Variants in DPP6 observed in about 807,000 individuals in gnomAD.
DPP6 encodes the protein A-type potassium channel modulatory protein DPP6.
DPP6 carries 69 observed loss-of-function variants against 122.6 expected under a neutral mutation model. That is an observed-to-expected ratio of 0.56 (90% CI 0.46 to 0.69). The LOEUF (loss-of-function observed/expected upper bound fraction) is 0.69, where lower values mean the gene tolerates loss of function less well. Ranked by LOEUF, DPP6 falls within the 30% of genes least tolerant of loss-of-function variation. The pLI is 0.00. For synonymous variants in DPP6, 418 were observed against 433.1 expected (o/e 0.97, Z 0.43); for missense variants, 928 against 1,116.9 (o/e 0.83, Z 2.41).
chr7:154,794,384 T>C (rs1797883352), intron 11 of DPP6, among the ~76,000 whole-genome samples, 182 bp downstream of exon 11: 1 of 152,178 alleles, frequency 6.6e-6, no homozygotes, highest in Non-Finnish European at 1.5e-5. Context: ...TCGTGGCTGG[T>C]GCAGGCGCTG....
intron 1 of DPP6, among the ~76,000 whole-genome samples, chr7:154,023,963 A>AT (rs961578093): frequency 2.3e-4 from 35 of 152,194 alleles, no homozygotes; most frequent in African/African-American, 7.7e-4. Context: ...CTGCAGCAAG[A>AT]TTAGGTTGAG....
rs1461640868 is a variant in DPP6, at chr7:154,879,447, G to A, written c.2079-1441G>A. Among the ~76,000 whole-genome samples, 16 of 135,720 alleles carry A rather than the reference G, an allele frequency of 1.2e-4. 1 individual carries two copies. Among genetic ancestry groups the A allele is most frequent in the South Asian group, 9.4e-4 (4 of 4,238 alleles). 89.0% of individuals were successfully genotyped at this position (135,720 alleles called of 152,430 possible). A position where few individuals can be genotyped will look rare whatever the true frequency, so the allele number is the denominator to read the frequency against. On this transcript the variant is annotated intron_variant, in intron 20 of 25. Coordinates refer to ENST00000377770, the MANE Select transcript of DPP6 (RefSeq NM_130797.4). ...AAAAAAAAAATACAAAAAATTAGCC[G>A]GGCGAGGTGGCGGGCACCTGTAGTC...
chr7:153,778,408 G>T, the DPP6 span, among the ~76,000 whole-genome samples: 2 of 152,046 alleles, frequency 1.3e-5, no homozygotes, highest in African/African-American at 4.8e-5. Context: ...ACATATTTTT[G>T]AGTTCTGTCC....
intron 3 of DPP6, among the ~76,000 whole-genome samples, chr7:154,514,088 A>G (rs139033058): frequency 6.6e-6 from 1 of 152,262 alleles, no homozygotes; most frequent in African/African-American, 2.4e-5. Context: ...AGCCTGATCA[A>G]CATGGTGAAA....
At chr7:153,934,968 C>T (rs1020051329) in intron 1 of DPP6, among the ~76,000 whole-genome samples, 3 of 152,182 alleles carry the variant, frequency 2.0e-5, no homozygotes, top group Non-Finnish European at 4.4e-5. Context: ...ACTGAGGTAG[C>T]GGAGGGTCCG....
At chr7:154,653,035 G>T (rs548072741) in intron 6 of DPP6, among the ~76,000 whole-genome samples, 2 of 152,252 alleles carry the variant, frequency 1.3e-5, no homozygotes, top group South Asian at 2.1e-4. Context: ...TCCCAGGCTG[G>T]GGTCTCATGG....
At chr7:153,990,029 C>A (rs1421192818) in intron 1 of DPP6, among the ~76,000 whole-genome samples, 60 of 132,330 alleles carry the variant, frequency 4.5e-4, no homozygotes, top group Middle Eastern at 3.6e-3. Context: ...GCCGGCCTTG[C>A]CTCTGCCAGC....
At chr7:154,198,422 G>A (rs548370164) in intron 1 of DPP6, among the ~76,000 whole-genome samples, 9 of 151,920 alleles carry the variant, frequency 5.9e-5, no homozygotes, top group Admixed American at 1.3e-4. Context: ...AGTGATTCTC[G>A]TGCCTCAGCC....
intron 8 of DPP6, among the ~76,000 whole-genome samples, chr7:154,739,290 T>C (rs1479482060): frequency 6.6e-6 from 1 of 152,142 alleles, no homozygotes; most frequent in African/African-American, 2.4e-5. Context: ...TTGCCAACAG[T>C]GGGCCTCAAG....
intron 16 of DPP6, among the ~76,000 whole-genome samples, chr7:154,845,488 C>A (rs995962020): frequency 1.3e-5 from 2 of 152,058 alleles, no homozygotes; most frequent in Non-Finnish European, 2.9e-5. Flanking sequence ...AGTTTGTAGT[C>A]AGGAAAACCT....
intron 1 of DPP6, among the ~76,000 whole-genome samples, chr7:153,935,323 C>G (rs534668490): frequency 6.6e-6 from 1 of 152,084 alleles, no homozygotes; most frequent in Non-Finnish European, 1.5e-5. Context: ...GTCACCACAC[C>G]GGGCTCCTCT....
chr7:154,794,012 G>A, intron 10 of DPP6, 67 bp from the exon 11 acceptor site: 2 of 1,562,718 alleles, frequency 1.3e-6, no homozygotes, highest in Non-Finnish European at 1.7e-6. Flanking sequence ...GCTGGGGTCG[G>A]CGGTCCCCTG....
chr7:154,529,968 A>C (rs1244232032), intron 3 of DPP6, among the ~76,000 whole-genome samples: 1 of 151,984 alleles, frequency 6.6e-6, no homozygotes, highest in Non-Finnish European at 1.5e-5. Flanking sequence ...TCTACTACAA[A>C]TATGAAAATT....
At chr7:154,661,764 G>T (rs1306203914) in intron 6 of DPP6, among the ~76,000 whole-genome samples, 1 of 142,604 alleles carries the variant, frequency 7.0e-6, no homozygotes, top group African/African-American at 2.7e-5. Context: ...TGGCGTGTTG[G>T]CCCTAGTGTT....
chr7:154,103,034 T>C (rs1481745570), intron 1 of DPP6, among the ~76,000 whole-genome samples: 1 of 152,052 alleles, frequency 6.6e-6, no homozygotes, highest in Non-Finnish European at 1.5e-5. Context: ...CTGGTTAGCC[T>C]TGTGGAGCCT....
chr7:153,916,150 T>A (rs1800303402), intron 1 of DPP6, among the ~76,000 whole-genome samples: 1 of 151,204 alleles, frequency 6.6e-6, no homozygotes, highest in Non-Finnish European at 1.5e-5. Context: ...TTTTTTTGTA[T>A]TTTTAGTAGA....
intron 1 of DPP6, among the ~76,000 whole-genome samples, chr7:154,083,418 T>C (rs7357247): frequency 6.6e-6 from 1 of 151,028 alleles, no homozygotes; most frequent in Non-Finnish European, 1.5e-5. Context: ...GAGGCCTATA[T>C]ACATGGAAGT....
chr7:154,761,496 C>T lies in DPP6; in HGVS notation c.884-7921C>T, dbSNP rs139384340. Reference sequence around the variant, plus strand: ...TCTTGCATTGCGATAAAGAAATCCCCGAGACTGGGTAATTTAGAAAGAAAA... The same window carrying T: ...TCTTGCATTGCGATAAAGAAATCCCTGAGACTGGGTAATTTAGAAAGAAAA... On this transcript the variant is annotated intron_variant, in intron 8 of 25. Coordinates refer to ENST00000377770, the MANE Select transcript of DPP6 (RefSeq NM_130797.4). 5.0e-3 allele frequency among the ~76,000 whole-genome samples: 687 copies of T among 136,596 alleles called. 3 individuals carry two copies. Among genetic ancestry groups the T allele is most frequent in the African/African-American group, 0.012 (505 of 40,826 alleles). 89.6% of individuals were successfully genotyped at this position (136,596 alleles called of 152,430 possible).
At chr7:153,982,088 C>T (rs2129038234) in intron 1 of DPP6, among the ~76,000 whole-genome samples, 1 of 152,216 alleles carries the variant, frequency 6.6e-6, no homozygotes, top group African/African-American at 2.4e-5. Flanking sequence ...GAATGTTGGC[C>T]TGCCTTGCTA....
Sources: gnomAD v4.1 joint callset for allele counts (sites outside exome capture counted in the v4.1 genomes callset) on GRCh38, gnomAD v4.1.1 for gene constraint, MANE v1.5 for transcripts, NCBI Gene and HGNC (gene_info 2026-07-23, HGNC 2026-07-21) for gene names.